Variants in TAF5 observed in about 807,000 individuals in gnomAD.
The protein encoded by TAF5 is transcription initiation factor TFIID subunit 5.
Under a neutral mutation model 80.9 loss-of-function variants are expected in TAF5, and 20 were observed. The ratio of observed to expected loss-of-function variants is 0.25; its 90% CI spans 0.17 to 0.36. TAF5 has a LOEUF of 0.36. Among genes scored for constraint, TAF5 ranks in the 10% least tolerant of loss-of-function variants. The pLI, the probability that TAF5 is intolerant of heterozygous loss-of-function variation, is 1.00. For missense variants in TAF5, 863 were observed against 1,029.4 expected (o/e 0.84, Z 2.21); for synonymous variants, 388 against 406.4 (o/e 0.95, Z 0.55).
In TAF5 at chr10:103,387,611, C is replaced by T. The variant is rs767266292; in HGVS notation, c.2098C>T (p.His700Tyr). 6.2e-6 allele frequency: 10 copies of T among 1,614,062 alleles called. No individual in the cohort carries two copies. In the South Asian group the frequency reaches 1.1e-4, roughly 18 times the overall value. ...CAGAGTGCTTCTTTGGGATATTGGACATGGTTTGATGGTTGGAGAATTAAA... is the reference window on the plus strand; with the variant it reads ...CAGAGTGCTTCTTTGGGATATTGGATATGGTTTGATGGTTGGAGAATTAAA... Reference protein sequence around the residue: ...DGRVLLWDIGHGLMVGELKGH... With the variant: ...DGRVLLWDIGYGLMVGELKGH... The change falls in exon 10 of 11, where the codon CAT becomes TAT. Residue 700 changes from histidine (H) to tyrosine (Y), a missense_variant. Around this residue, in one of 3 missense-constraint regions of TAF5, gnomAD observed 368 missense variants for 461.7 expected, o/e 0.80. Coordinates refer to ENST00000369839, the MANE Select transcript of TAF5 (RefSeq NM_006951.5).
At position 103,368,052 on chromosome 10, in the gene TAF5, A is replaced by C; in HGVS notation, c.63A>C (p.Pro21=). 6.9e-7 allele frequency: 1 copy of C among 1,441,070 alleles called. No individual in the cohort carries two copies. Among genetic ancestry groups the C allele is most frequent in the Non-Finnish European group, 9.1e-7 (1 of 1,099,766 alleles). 89.3% of individuals were successfully genotyped at this position (1,441,070 alleles called of 1,614,324 possible). ...TCAAGCTAGAGCCTGAGGGACCGCC[A>C]ACGCTGCTACCTCCGCAGGCGGGGG... ...VAVKLEPEGP[P]TLLPPQAGDG... is the part of the protein sequence containing the mutation. Residue 21 remains proline (P), a synonymous_variant, in exon 1 of 11, where the codon CCA becomes CCC. Transcript: ENST00000369839.
Position 103,388,132 on chromosome 10 carries a change from G to C in TAF5, c.2312G>C (p.Gly771Ala). The C allele has an allele frequency of 6.2e-7, 1 of 1,614,022 alleles. No homozygotes were observed. Among genetic ancestry groups the C allele is most frequent in the Non-Finnish European group, 8.5e-7 (1 of 1,179,976 alleles). ...LPENSQELLLGTYMTKSTPVV... is the reference protein window; with the variant it reads ...LPENSQELLLATYMTKSTPVV... Reference sequence around the variant, plus strand: ...GAGAATTCACAGGAGTTATTGTTGGGAACATATATGACCAAATCAACACCA... The same window carrying C: ...GAGAATTCACAGGAGTTATTGTTGGCAACATATATGACCAAATCAACACCA... Residue 771 changes from glycine to alanine, a missense_variant, in exon 11 of 11, where the codon GGA (glycine) becomes GCA (alanine). Around this residue, in one of 3 missense-constraint regions of TAF5, gnomAD observed 368 missense variants for 461.7 expected, o/e 0.80. Coordinates refer to ENST00000369839, the MANE Select transcript of TAF5 (RefSeq NM_006951.5).
rs148935991 is a variant in TAF5 at position 103,388,942 on chromosome 10, T to G, written c.*719T>G. On this transcript the variant is annotated 3_prime_UTR_variant, in exon 11 of 11. Coordinates refer to ENST00000369839, the MANE Select transcript of TAF5 (RefSeq NM_006951.5). ...GTTGCTTACCTCCAGTACTGAGCCT[T>G]GCTTTGGGAAACTAAAAGATTTAGA... The G allele has an allele frequency of 6.5e-6, 1 of 152,798 alleles. No homozygotes were observed. The highest frequency in any genetic ancestry group is 1.9e-4 in the East Asian group (1 of 5,196). 9.5% of individuals were successfully genotyped at this position (152,798 alleles called of 1,614,324 possible).
chr10:103,370,661 T>G (rs1018056652), intron 1 of TAF5, among the ~76,000 whole-genome samples: 3 of 152,006 alleles, frequency 2.0e-5, no homozygotes, highest in African/African-American at 7.2e-5. Flanking sequence ...ATGTAAAATG[T>G]TTGGTATGGA....
In TAF5 at chr10:103,381,625, G is replaced by A. The variant is rs1028751011; in HGVS notation, c.1414-96G>A. 15 of 1,313,642 alleles carry A rather than the reference G, an allele frequency of 1.1e-5. No individual in the cohort carries two copies. The African/African-American group carries it at 2.1e-4, about 18-fold the overall frequency. The allele number at this position is 1,313,642 out of a possible 1,614,324, so 81.4% of individuals were successfully genotyped here. On this transcript the variant is annotated intron_variant, in intron 5 of 10. Transcript: ENST00000369839. ...TATATTCCTTAAAATAGAGGATTGAGGAGATATTTAGTATAGTGTGAAAAT... is the reference window on the plus strand; with the variant it reads ...TATATTCCTTAAAATAGAGGATTGAAGAGATATTTAGTATAGTGTGAAAAT...
At position 103,388,328 on chromosome 10, in the gene TAF5, T is replaced by C; in HGVS notation, c.*105T>C. 1 of 1,009,338 alleles carries C rather than the reference T, an allele frequency of 9.9e-7. No individual in the cohort carries two copies. Among genetic ancestry groups the C allele is most frequent in the Non-Finnish European group, 1.4e-6 (1 of 695,922 alleles). 62.5% of individuals were successfully genotyped at this position (1,009,338 alleles called of 1,614,324 possible). Reference sequence around the variant, plus strand: ...TTAAGCTACAGAGAATGTTTTTGTCTATATGGATCTGGAAGTATGCTGCTT... The same window carrying C: ...TTAAGCTACAGAGAATGTTTTTGTCCATATGGATCTGGAAGTATGCTGCTT... On this transcript the variant is annotated 3_prime_UTR_variant, in exon 11 of 11. Transcript: ENST00000369839.
chr10:103,378,912 C>T lies in TAF5; in HGVS notation c.1113+362C>T, dbSNP rs942569936. On this transcript the variant is annotated intron_variant, in intron 3 of 10. Transcript: ENST00000369839. The surrounding 1 kb of genome is among the most constrained non-coding windows in gnomAD (Gnocchi z 4.1). ...TGACCTCAGATGATCCACCCGACTC[C>T]GCCTCCCAAAGTGCTGGCATAACAG... Among the ~76,000 whole-genome samples the T allele has an allele frequency of 2.0e-5, 3 of 152,108 alleles. No individual in the cohort carries two copies. The highest frequency in any genetic ancestry group is 2.1e-4 in the South Asian group (1 of 4,812).
chr10:103,387,817 T>C, intron 10 of TAF5, 119 bp downstream of exon 10: 1 of 1,173,362 alleles, frequency 8.5e-7, no homozygotes, highest in Non-Finnish European at 1.2e-6. Context: ...GATTCCAGAG[T>C]GTCATCCTAC....
Position 103,388,473 on chromosome 10 carries a change from TG to T in TAF5, c.*252del, listed in dbSNP as rs1338875859. 1 of 315,760 alleles carries T rather than the reference TG, an allele frequency of 3.2e-6. No individual in the cohort carries two copies. Among genetic ancestry groups the T allele is most frequent in the African/African-American group, 2.1e-5 (1 of 46,930 alleles). 19.6% of individuals were successfully genotyped at this position (315,760 alleles called of 1,614,324 possible). On this transcript the variant is annotated 3_prime_UTR_variant, in exon 11 of 11. Coordinates refer to ENST00000369839, the MANE Select transcript of TAF5 (RefSeq NM_006951.5). ...GACATTTATGGTGCTTTGGATTGTG[TG>T]GAAACTATGCATTTTCTGTTCAAAT...
intron 4 of TAF5, 51 bp downstream of exon 4, chr10:103,379,822 T>TA (rs761589994): frequency 1.6e-5 from 26 of 1,602,436 alleles, no homozygotes; most frequent in African/African-American, 4.1e-5. Context: ...GACAACATGT[T>TA]ATATAGAGTT....
chr10:103,387,473 C>A, intron 9 of TAF5, 48 bp from the exon 10 acceptor site: 1 of 1,556,866 alleles, frequency 6.4e-7, no homozygotes, highest in South Asian at 1.2e-5. Context: ...AAAATTTTGT[C>A]TTATTTTCCT....
intron 7 of TAF5, among the ~76,000 whole-genome samples, chr10:103,384,833 G>T (rs949893446): frequency 1.3e-5 from 2 of 152,080 alleles, no homozygotes; most frequent in African/African-American, 4.8e-5. Flanking sequence ...AAAAGGTAGA[G>T]AATTATTAGC....
At chr10:103,370,549 G>A (rs2093357143) in intron 1 of TAF5, among the ~76,000 whole-genome samples, 1 of 151,776 alleles carries the variant, frequency 6.6e-6, no homozygotes, top group Admixed American at 6.6e-5. Context: ...GGATGGTCTC[G>A]ATCTCCTGAC....
At chr10:103,379,462 G>A (rs995688416) in intron 3 of TAF5, 146 bp from the exon 4 acceptor site, 1 of 695,768 alleles carries the variant, frequency 1.4e-6, no homozygotes, top group Admixed American at 3.5e-5. Flanking sequence ...GGAAAAAGGG[G>A]AGAATGGCTA....
In TAF5 at chr10:103,378,596, T is replaced by C. The variant is rs374234050; in HGVS notation, c.1113+46T>C. The C allele has an allele frequency of 2.4e-5, 37 of 1,528,668 alleles. No individual in the cohort carries two copies. Among genetic ancestry groups the C allele is most frequent in the Admixed American group, 1.1e-4 (5 of 47,096 alleles). 94.7% of individuals were successfully genotyped at this position (1,528,668 alleles called of 1,614,324 possible). On this transcript the variant is annotated intron_variant, in intron 3 of 10. Transcript: ENST00000369839. This position sits in a 1 kb window ranked among gnomAD's most constrained non-coding sequence, Gnocchi z 4.1. ...ACTCTATAATGCAGATTATGAAAAA[T>C]TGTAGCATTTCCATCTACATAAGTT... is the stretch of plus-strand genomic sequence containing the variant.
rs1035275436 is a variant in TAF5 at position 103,374,553 on chromosome 10, C to T, written c.797+958C>T. 2.6e-5 allele frequency among the ~76,000 whole-genome samples: 4 copies of T among 152,308 alleles called. No homozygotes were observed. In the East Asian group the frequency reaches 7.7e-4, roughly 29 times the overall value. On this transcript the variant is annotated intron_variant, in intron 2 of 10. Coordinates refer to ENST00000369839, the MANE Select transcript of TAF5 (RefSeq NM_006951.5). This position sits in a 1 kb window ranked among gnomAD's most constrained non-coding sequence, Gnocchi z 4.3. ...GGGAAATAAGAAATGTAGTCTTTAC[C>T]TAAGTGTCTATGTGCCCAGCTGATA...
chr10:103,368,469 C>T lies in TAF5; in HGVS notation c.480C>T (p.Ala160=), dbSNP rs779052156. 39 of 1,582,876 alleles carry T rather than the reference C, an allele frequency of 2.5e-5. No homozygotes were observed. The highest frequency in any genetic ancestry group is 3.0e-5 in the Non-Finnish European group (35 of 1,173,696). ...CCGCCTCGGCCCCTGGCCCTGCGGC[C>T]CCCGACCCTCCGGGCACTGGCGCTT... ...RVTASAPGPA[A]PDPPGTGASG... The change falls in exon 1 of 11, where the codon GCC becomes GCT. Residue 160 remains alanine, a synonymous_variant. Transcript: ENST00000369839.
chr10:103,370,182 A>G (rs1380459106), intron 1 of TAF5, among the ~76,000 whole-genome samples: 5 of 151,644 alleles, frequency 3.3e-5, no homozygotes, highest in African/African-American at 1.2e-4. Context: ...CAGTGAGCCA[A>G]GATTGCGCCA....
In TAF5 at chr10:103,385,305, T is replaced by C. The variant is rs369119255; in HGVS notation, c.1665-21T>C. ...CAAAGGTTACTCTGGGAGTCAAATA[T>C]ATCACCTTCTCTTCTCTCAGGAACT... On this transcript the variant is annotated intron_variant, in intron 7 of 10. Transcript: ENST00000369839. 1.4e-5 allele frequency: 22 copies of C among 1,590,318 alleles called. No homozygotes were observed. The African/African-American group carries it at 2.1e-4, about 16-fold the overall frequency.
Sources: allele counts gnomAD v4.1 joint callset (sites outside exome capture counted in the v4.1 genomes callset), GRCh38; gene constraint gnomAD v4.1.1; regional missense constraint gnomAD v4.1.1; non-coding constraint Gnocchi (gnomAD v3.1); transcripts MANE v1.5; gene names NCBI Gene and HGNC (gene_info 2026-07-23, HGNC 2026-07-21).